OSBPL1A: variants seen among roughly 807,000 people sequenced by gnomAD.
OSBPL1A encodes the protein oxysterol-binding protein-related protein 1.
Under a neutral mutation model 137.1 loss-of-function variants are expected in OSBPL1A, and 80 were observed. The ratio of observed to expected loss-of-function variants is 0.58; its 90% confidence interval spans 0.49 to 0.70. The LOEUF is 0.70. OSBPL1A is among the 30% of genes least tolerant of loss of function. The pLI, the probability that OSBPL1A is intolerant of heterozygous loss-of-function variation, is 0.00. For missense variants in OSBPL1A, 970 were observed against 1,129.4 expected (o/e 0.86, Z 2.02); for synonymous variants, 365 against 389.7 (o/e 0.94, Z 0.75).
intron 15 of OSBPL1A, among the ~76,000 whole-genome samples, chr18:24,261,473 G>A (rs1228204791): frequency 1.3e-5 from 2 of 152,050 alleles, no homozygotes; most frequent in East Asian, 3.9e-4. Context: ...GAAGGGCATA[G>A]TAAAAAAACC....
intron 16 of OSBPL1A, among the ~76,000 whole-genome samples, chr18:24,236,384 C>T (rs1031608084): frequency 4.6e-5 from 7 of 152,114 alleles, no homozygotes; most frequent in Middle Eastern, 3.4e-3. Flanking sequence ...GAAATGGGGA[C>T]AGAGGCTGGT....
intron 13 of OSBPL1A, among the ~76,000 whole-genome samples, chr18:24,307,697 T>G (rs148383733): frequency 6.6e-6 from 1 of 152,368 alleles, no homozygotes; most frequent in East Asian, 1.9e-4. Context: ...GCCTCATTCT[T>G]GCATGGATGT....
At chr18:24,386,234 G>A (rs574619838) in intron 1 of OSBPL1A, among the ~76,000 whole-genome samples, 2 of 152,274 alleles carry the variant, frequency 1.3e-5, no homozygotes, top group South Asian at 4.1e-4. Flanking sequence ...GAAAGGAACA[G>A]AGCCAGTTAA....
intron 17 of OSBPL1A, among the ~76,000 whole-genome samples, chr18:24,222,503 C>T (rs569954365): frequency 6.6e-6 from 1 of 152,076 alleles, no homozygotes; most frequent in African/African-American, 2.4e-5. Context: ...GAATTGCTCC[C>T]ACGGAATGTG....
intron 14 of OSBPL1A, among the ~76,000 whole-genome samples, chr18:24,293,395 T>C (rs911345445): frequency 2.0e-5 from 3 of 152,086 alleles, no homozygotes; most frequent in Non-Finnish European, 4.4e-5. Context: ...CTGAAACGAC[T>C]TCCTCTCCCG....
intron 15 of OSBPL1A, among the ~76,000 whole-genome samples, chr18:24,255,143 T>G (rs906216716): frequency 6.6e-6 from 1 of 151,964 alleles, no homozygotes; most frequent in Non-Finnish European, 1.5e-5. Context: ...TACACCAAGA[T>G]TGAACCATGA....
chr18:24,207,416 C>CAACT (rs758842121), intron 17 of OSBPL1A, among the ~76,000 whole-genome samples: 1 of 152,176 alleles, frequency 6.6e-6, no homozygotes, highest in Non-Finnish European at 1.5e-5. Context: ...TTTTCAAAAC[C>CAACT]AACTTATTTA....
rs1023335506 is a variant in OSBPL1A at position 24,341,746 on chromosome 18, C to G, written c.283-88G>C. 2.3e-4 allele frequency: 174 copies of G among 764,862 alleles called. 1 individual carries two copies. The highest frequency in any genetic ancestry group is 5.9e-4 in the Admixed American group (21 of 35,476). 47.4% of individuals were successfully genotyped at this position (764,862 alleles called of 1,614,324 possible). ...TCCAAATTACTAACTACTACAGAGT[C>G]TCCACAATAGAAAAAAGCACCAGGT... On this transcript the variant is annotated intron_variant, in intron 4 of 27. Transcript: ENST00000319481.
chr18:24,186,903 CAAAAAAAAAAAAA>C (rs57438319), intron 18 of OSBPL1A, among the ~76,000 whole-genome samples: 32 of 62,634 alleles, frequency 5.1e-4, no homozygotes, highest in African/African-American at 1.7e-3. Flanking sequence ...GACTCTGTCT[CAAAAAAAAAAAAA>C]AAAAAAAAAA....
intron 15 of OSBPL1A, among the ~76,000 whole-genome samples, chr18:24,276,665 G>A (rs1017448401): frequency 3.3e-5 from 5 of 151,726 alleles, no homozygotes; most frequent in Non-Finnish European, 7.4e-5. Flanking sequence ...GGCTGGTCTC[G>A]AACTCCTGAC....
intron 24 of OSBPL1A, 71 bp from the exon 25 acceptor site, chr18:24,167,516 C>T: frequency 8.1e-7 from 1 of 1,228,560 alleles, no homozygotes; most frequent in Non-Finnish European, 1.2e-6. Context: ...CACATAATGA[C>T]ATTTTCAGTC....
At chr18:24,175,111 T>TATATATATATATATAC (rs1567920008) in intron 21 of OSBPL1A, among the ~76,000 whole-genome samples, 14 of 13,980 alleles carry the variant, frequency 1.0e-3, no homozygotes, top group South Asian at 4.9e-3. Flanking sequence ...TGTGTATGTA[T>TATATATATATATATAC]ATATATATAT....
At chr18:24,386,849 C>T (rs1036934097) in intron 1 of OSBPL1A, among the ~76,000 whole-genome samples, 1 of 152,042 alleles carries the variant, frequency 6.6e-6, no homozygotes, top group African/African-American at 2.4e-5. Flanking sequence ...GTCAGTTACT[C>T]AGGAAGCCGA....
intron 18 of OSBPL1A, among the ~76,000 whole-genome samples, chr18:24,194,555 T>C (rs1380136651): frequency 1.3e-5 from 2 of 152,218 alleles, no homozygotes; most frequent in Admixed American, 6.5e-5. Context: ...GTTACTGTCA[T>C]CTGTCTATAT....
intron 14 of OSBPL1A, among the ~76,000 whole-genome samples, chr18:24,289,418 G>GTTTTTTTTTTTTTTT (rs536281272): frequency 2.1e-5 from 2 of 94,206 alleles, no homozygotes; most frequent in Non-Finnish European, 4.0e-5. Context: ...GTTTTTTCCT[G>GTTTTTTTTTTTTTTT]TTTTTTTTTT....
At chr18:24,363,743 G>C (rs1386886501) in intron 4 of OSBPL1A, among the ~76,000 whole-genome samples, 4 of 151,948 alleles carry the variant, frequency 2.6e-5, no homozygotes, top group Non-Finnish European at 4.4e-5. Context: ...CCCGGCTCAA[G>C]TGATCCTCCA....
intron 16 of OSBPL1A, among the ~76,000 whole-genome samples, chr18:24,231,848 A>C (rs1056333370): frequency 6.6e-6 from 1 of 152,252 alleles, no homozygotes; most frequent in Non-Finnish European, 1.5e-5. Context: ...CATAAAGTTC[A>C]CAATATAAAC....
At chr18:24,249,321 A>C (rs1028783311) in intron 15 of OSBPL1A, among the ~76,000 whole-genome samples, 2 of 152,234 alleles carry the variant, frequency 1.3e-5, no homozygotes, top group African/African-American at 4.8e-5. Context: ...GGTTTTATGT[A>C]TCATCATGTA....
chr18:24,239,696 A>G (rs955793234), intron 15 of OSBPL1A, among the ~76,000 whole-genome samples: 2 of 152,204 alleles, frequency 1.3e-5, no homozygotes, highest in African/African-American at 4.8e-5. Context: ...TTTTAAACAT[A>G]AAGAATATTT....
Sources: allele counts gnomAD v4.1 joint callset (sites outside exome capture counted in the v4.1 genomes callset), GRCh38; gene constraint gnomAD v4.1.1; transcripts MANE v1.5; gene names NCBI Gene and HGNC (gene_info 2026-07-23, HGNC 2026-07-21).